The following SAMD3 variants were observed in gnomAD, a reference collection of about 807,000 sequenced individuals.
SAMD3 encodes the protein sterile alpha motif domain-containing protein 3.
SAMD3 carries 63 observed loss-of-function variants against 58.5 expected under a neutral mutation model. The ratio of observed to expected loss-of-function variants is 1.08; its 90% confidence interval spans 0.88 to 1.33. The LOEUF is 1.33. SAMD3 is among the 40% of genes most tolerant of loss of function. The pLI, the probability that SAMD3 is intolerant of heterozygous loss-of-function variation, is 0.00. For synonymous variants in SAMD3, 220 were observed against 210.3 expected, an observed-to-expected ratio of 1.05 and a Z score of -0.40; for missense variants, 604 against 608.4, an observed-to-expected ratio of 0.99 and a Z score of 0.08.
intron 1 of SAMD3, 113 bp from the exon 2 acceptor site, chr6:130,216,729 T>G (rs1796024871): frequency 1.3e-5 from 2 of 152,192 alleles, no homozygotes; most frequent in South Asian, 4.2e-4. Flanking sequence ...CTTTCTGAAT[T>G]TCAGCAGTGG....
chr6:130,193,871 T>G (rs1294975783), intron 5 of SAMD3, among the ~76,000 whole-genome samples: 4 of 152,162 alleles, frequency 2.6e-5, no homozygotes, highest in Admixed American at 2.6e-4. Flanking sequence ...CTTCCTAGTC[T>G]CTGTGCCCAA....
At chr6:130,182,071 A>C (rs9385535) in intron 7 of SAMD3, among the ~76,000 whole-genome samples, 1 of 148,870 alleles carries the variant, frequency 6.7e-6, no homozygotes, top group Non-Finnish European at 1.5e-5. Flanking sequence ...TCTCAAAAAA[A>C]AAAAAAAAAA....
At chr6:130,363,679 G>T (rs1272036840) in intron 1 of SAMD3, among the ~76,000 whole-genome samples, 1 of 152,126 alleles carries the variant, frequency 6.6e-6, no homozygotes, top group Admixed American at 6.6e-5. Context: ...GAGGTACCAA[G>T]TCCCTCTGTT....
chr6:130,196,695 C>T (rs1386234383), intron 5 of SAMD3, among the ~76,000 whole-genome samples: 1 of 152,144 alleles, frequency 6.6e-6, no homozygotes, highest in African/African-American at 2.4e-5. Flanking sequence ...TTCAGGCCCC[C>T]TCCCTTCCCT....
chr6:130,355,350 T>G (rs553231455), intron 1 of SAMD3, among the ~76,000 whole-genome samples: 1 of 152,236 alleles, frequency 6.6e-6, no homozygotes, highest in East Asian at 1.9e-4. Flanking sequence ...TTTGAACCTC[T>G]GAGGCGGAGG....
intron 5 of SAMD3, among the ~76,000 whole-genome samples, chr6:130,191,312 C>T (rs1233531025): frequency 6.6e-6 from 1 of 152,110 alleles, no homozygotes; most frequent in Non-Finnish European, 1.5e-5. Flanking sequence ...TTTCTGAGGA[C>T]AACTGTGAGC....
At chr6:130,160,261 ACTGGTTGC>A (rs1790173135) in intron 8 of SAMD3, 1 of 152,232 alleles carries the variant, frequency 6.6e-6, no homozygotes, top group Non-Finnish European at 1.5e-5. Flanking sequence ...AGCCAAATAA[ACTGGTTGC>A]CTGTCACAAT....
intron 1 of SAMD3, among the ~76,000 whole-genome samples, chr6:130,353,744 A>G (rs1777747186): frequency 6.6e-6 from 1 of 152,216 alleles, no homozygotes; most frequent in Non-Finnish European, 1.5e-5. Context: ...GGAAAGATCA[A>G]ACTAACTCCC....
intron 2 of SAMD3, among the ~76,000 whole-genome samples, chr6:130,290,961 G>A (rs1316917649): frequency 6.6e-6 from 1 of 152,068 alleles, no homozygotes; most frequent in Admixed American, 6.5e-5. Context: ...AGTCATCCTG[G>A]ATTTACCGAA....
intron 2 of SAMD3, among the ~76,000 whole-genome samples, chr6:130,293,877 G>A (rs1370208190): frequency 1.3e-5 from 2 of 151,940 alleles, no homozygotes; most frequent in Non-Finnish European, 1.5e-5. Flanking sequence ...TTGATGTTGC[G>A]GAAGTCTTAT....
chr6:130,162,158 A>G (rs946817474), intron 8 of SAMD3: 1 of 660,108 alleles, frequency 1.5e-6, no homozygotes, highest in African/African-American at 1.8e-5. Context: ...TTACCACACC[A>G]GTTTTGGCAA....
At chr6:130,198,009 C>A (rs1794299520) in intron 5 of SAMD3, among the ~76,000 whole-genome samples, 1 of 152,106 alleles carries the variant, frequency 6.6e-6, no homozygotes. Flanking sequence ...CTCAAAAGCT[C>A]CCCCACTGAG....
At chr6:130,177,229 G>A (rs1562400279) in intron 7 of SAMD3, among the ~76,000 whole-genome samples, 3 of 152,096 alleles carry the variant, frequency 2.0e-5, no homozygotes, top group Admixed American at 6.5e-5. Flanking sequence ...GCTACTGTTC[G>A]GGAGATTGGA....
At chr6:130,215,366 C>A in intron 2 of SAMD3, 72 bp from the exon 3 acceptor site, 1 of 1,278,200 alleles carries the variant, frequency 7.8e-7, no homozygotes, top group South Asian at 1.7e-5. Context: ...TTTTAACAGT[C>A]AGCCGCTTCC....
intron 1 of SAMD3, among the ~76,000 whole-genome samples, chr6:130,318,652 C>T (rs1020921777): frequency 1.3e-5 from 2 of 152,178 alleles, no homozygotes; most frequent in African/African-American, 2.4e-5. Context: ...TGGTCTTGAA[C>T]ACCTGACCTC....
chr6:130,333,075 G>C lies in SAMD3; in HGVS notation c.-303-19982C>G, dbSNP rs11963247. ...TGTGTGTGTGTGTGTGTGTGTGTGTGTGTGTGTGTGTTAAGGGGGTGACAA... is the reference window on the plus strand; with the variant it reads ...TGTGTGTGTGTGTGTGTGTGTGTGTCTGTGTGTGTGTTAAGGGGGTGACAA... On this transcript the variant is annotated intron_variant, in intron 1 of 13. Transcript: ENST00000368134. 6.1e-3 allele frequency among the ~76,000 whole-genome samples: 778 copies of C among 126,654 alleles called. 13 individuals are homozygous for C. The highest frequency in any genetic ancestry group is 0.023 in the African/African-American group (648 of 27,874). 83.1% of individuals were successfully genotyped at this position (126,654 alleles called of 152,430 possible).
intron 8 of SAMD3, among the ~76,000 whole-genome samples, chr6:130,165,104 A>C (rs927234735): frequency 2.0e-5 from 3 of 152,218 alleles, no homozygotes; most frequent in Non-Finnish European, 4.4e-5. Flanking sequence ...ACAAGGAACT[A>C]AAAAATTCAA....
intron 5 of SAMD3, among the ~76,000 whole-genome samples, chr6:130,204,910 A>G (rs2114803189): frequency 6.6e-6 from 1 of 152,050 alleles, no homozygotes; most frequent in East Asian, 1.9e-4. Context: ...GATATGTTCT[A>G]TCATTGGGAC....
chr6:130,327,014 G>A (rs1272239438), intron 1 of SAMD3, among the ~76,000 whole-genome samples: 2 of 152,162 alleles, frequency 1.3e-5, no homozygotes, highest in African/African-American at 4.8e-5. Flanking sequence ...TAATTCACGT[G>A]ATACTTTTTC....
Sources: gnomAD v4.1 joint callset for allele counts (sites outside exome capture counted in the v4.1 genomes callset) on GRCh38, gnomAD v4.1.1 for gene constraint, MANE v1.5 for transcripts, NCBI Gene and HGNC (gene_info 2026-07-23, HGNC 2026-07-21) for gene names.